The following GADD45G variants were observed in gnomAD, a reference collection of about 807,000 sequenced individuals.
GADD45G encodes growth arrest and DNA damage-inducible protein GADD45 gamma.
Under a neutral mutation model 17.3 loss-of-function variants are expected in GADD45G, and 7 were observed. That is an observed-to-expected ratio of 0.41 (90% CI 0.23 to 0.76). GADD45G has a LOEUF of 0.76. Ranked by LOEUF, GADD45G falls within the 30% of genes least tolerant of loss-of-function variation. The pLI, the probability that GADD45G is intolerant of heterozygous loss-of-function variation, is 0.34. For synonymous variants in GADD45G, 93 were observed against 94.9 expected, an observed-to-expected ratio of 0.98 and a Z score of 0.12; for missense variants, 149 against 219.2, an observed-to-expected ratio of 0.68 and a Z score of 2.02.
rs374588217 is a variant in GADD45G at position 89,605,116 on chromosome 9, C to A, written c.-6C>A. On this transcript the variant is annotated 5_prime_UTR_variant, in exon 1 of 4. Transcript: ENST00000252506. ...TGTGGATAACTAGCTGCTGGTTGAT[C>A]GCACTATGACTCTGGAAGAAGTCCG... The A allele has an allele frequency of 1.8e-5, 29 of 1,612,796 alleles. No homozygotes were observed. The African/African-American group carries it at 3.6e-4, about 20-fold the overall frequency.
chr9:89,605,890 G>A lies in GADD45G; in HGVS notation c.369+10G>A. 1 of 1,595,450 alleles carries A rather than the reference G, an allele frequency of 6.3e-7. No individual in the cohort carries two copies. Among genetic ancestry groups the A allele is most frequent in the South Asian group, 1.1e-5 (1 of 89,534 alleles). On this transcript the variant is annotated intron_variant, in intron 3 of 3. Transcript: ENST00000252506. The stretch of plus-strand genomic sequence containing the variant: ...CTGCATCCTCATTTCGGTGAGTACA[G>A]TCCCGTCCTGTCCCCGCCCCAGTGT...
chr9:89,605,233 G>C lies in GADD45G; in HGVS notation c.53+59G>C. 5 of 1,517,982 alleles carry C rather than the reference G, an allele frequency of 3.3e-6. 1 individual carries two copies. Among genetic ancestry groups the C allele is most frequent in the South Asian group, 2.3e-5 (2 of 88,218 alleles). The allele number at this position is 1,517,982 out of a possible 1,614,324, so 94.0% of individuals were successfully genotyped here. A position where few individuals can be genotyped will look rare whatever the true frequency, so the allele number is the denominator to read the frequency against. ...GGTCGGCGACCGTCAGGGTTTTCCAGGGTGGGAATCCGCGGGGTAGGAGGG... is the reference window on the plus strand; with the variant it reads ...GGTCGGCGACCGTCAGGGTTTTCCACGGTGGGAATCCGCGGGGTAGGAGGG... On this transcript the variant is annotated intron_variant, in intron 1 of 3. Transcript: ENST00000252506.
Position 89,606,127 on chromosome 9 carries a change from C to G in GADD45G, c.*48C>G. On this transcript the variant is annotated 3_prime_UTR_variant, in exon 4 of 4. Transcript: ENST00000252506. The stretch of plus-strand genomic sequence containing the variant: ...TGATCGACGTGGTGACGCCCCGGGG[C>G]GCCTAGAGCGCGGCTGGCTCTGTGG... 1 of 1,406,714 alleles carries G rather than the reference C, an allele frequency of 7.1e-7. No individual in the cohort carries two copies. Among genetic ancestry groups the G allele is most frequent in the Non-Finnish European group, 9.9e-7 (1 of 1,010,394 alleles). The allele number at this position is 1,406,714 out of a possible 1,614,324, so 87.1% of individuals were successfully genotyped here.
rs1434863314 is a variant in GADD45G, at chr9:89,606,368, G to A, written c.*289G>A. The A allele has an allele frequency of 8.5e-6, 4 of 472,014 alleles. No individual in the cohort carries two copies. In the East Asian group the frequency reaches 1.1e-4, roughly 13 times the overall value. 29.2% of individuals were successfully genotyped at this position (472,014 alleles called of 1,614,324 possible). A position where few individuals can be genotyped will look rare whatever the true frequency, so the allele number is the denominator to read the frequency against. On this transcript the variant is annotated 3_prime_UTR_variant, in exon 4 of 4. Coordinates refer to ENST00000252506, the MANE Select transcript of GADD45G (RefSeq NM_006705.4). Reference sequence around the variant, plus strand: ...CAGGGCCAGGAAGGACAGACTGGCCGGGCAGGCGTGACTCAGCAGCCTGCG... The same window carrying A: ...CAGGGCCAGGAAGGACAGACTGGCCAGGCAGGCGTGACTCAGCAGCCTGCG...
rs948133935 is a variant in GADD45G, at chr9:89,605,360, C to A, written c.54-72C>A. The A allele has an allele frequency of 7.4e-5, 89 of 1,198,416 alleles. No individual in the cohort carries two copies. In the African/African-American group the frequency reaches 1.2e-3, roughly 17 times the overall value. The allele number at this position is 1,198,416 out of a possible 1,614,324, so 74.2% of individuals were successfully genotyped here. A position where few individuals can be genotyped will look rare whatever the true frequency, so the allele number is the denominator to read the frequency against. On this transcript the variant is annotated intron_variant, in intron 1 of 3. Transcript: ENST00000252506. Reference sequence around the variant, plus strand: ...GGAGTTGGGGAGCCAAGGGTGTGTGCCGGTGGCCGGGGCTGGGGTCTCCGC... The same window carrying A: ...GGAGTTGGGGAGCCAAGGGTGTGTGACGGTGGCCGGGGCTGGGGTCTCCGC...
At position 89,605,150 on chromosome 9, in the gene GADD45G, A is replaced by C. The variant is rs199566315; in HGVS notation, c.29A>C (p.Asp10Ala). The C allele has an allele frequency of 2.2e-5, 36 of 1,613,784 alleles. 1 individual carries two copies. The South Asian group carries it at 3.7e-4, about 17-fold the overall frequency. MTLEEVRGQ[D>A]TVPESTARMQ... is the part of the protein sequence containing the mutation. The stretch of plus-strand genomic sequence containing the variant: ...ACTCTGGAAGAAGTCCGCGGCCAGG[A>C]CACAGTTCCGGAAAGCACAGCCAGG... The change falls in exon 1 of 4, where the codon GAC (aspartate) becomes GCC (alanine). Residue 10 changes from aspartate to alanine, a missense_variant. By Grantham distance (126) the Asp-to-Ala change is moderately radical. Coordinates refer to ENST00000252506, the MANE Select transcript of GADD45G (RefSeq NM_006705.4).
Position 89,605,663 on chromosome 9 carries a change from G to A in GADD45G, c.156-4G>A, listed in dbSNP as rs368136463. The A allele has an allele frequency of 1.9e-5, 31 of 1,613,464 alleles. No homozygotes were observed. The highest frequency in any genetic ancestry group is 6.7e-5 in the Admixed American group (4 of 59,990). On this transcript the variant is annotated splice_region_variant and splice_polypyrimidine_tract_variant and intron_variant, in intron 2 of 3. Transcript: ENST00000252506. Reference sequence around the variant, plus strand: ...TGACCTAGGTCCCCGCCTTGCCCTCGCAGGGACCCCGACAATGTGACCTTC... The same window carrying A: ...TGACCTAGGTCCCCGCCTTGCCCTCACAGGGACCCCGACAATGTGACCTTC...
chr9:89,605,426 C>T lies in GADD45G; in HGVS notation c.54-6C>T, dbSNP rs1435920320. The T allele has an allele frequency of 6.5e-7, 1 of 1,548,130 alleles. No homozygotes were observed. The highest frequency in any genetic ancestry group is 1.2e-5 in the South Asian group (1 of 84,336). Reference sequence around the variant, plus strand: ...GCTCCCGCTCACTGCGCTGGCTCCTCCGCAGGATGCAGGGTGCCGGGAAAG... The same window carrying T: ...GCTCCCGCTCACTGCGCTGGCTCCTTCGCAGGATGCAGGGTGCCGGGAAAG... On this transcript the variant is annotated splice_region_variant and splice_polypyrimidine_tract_variant and intron_variant, in intron 1 of 3. Transcript: ENST00000252506.
intron 3 of GADD45G, 39 bp from the exon 4 acceptor site, chr9:89,605,930 C>G: frequency 6.3e-7 from 1 of 1,590,588 alleles, no homozygotes; most frequent in Non-Finnish European, 8.6e-7. Flanking sequence ...CCCGCCTCGG[C>G]CCGCGGCCAG....
At position 89,606,542 on chromosome 9, in the gene GADD45G, C is replaced by CT. The variant is rs1827530761; in HGVS notation, c.*468dup. ...TTGAAGCTTTGAATTTTACAATAAACTTTTTGAAACAAACTTATGCTCTTT... is the reference window on the plus strand; with the variant it reads ...TTGAAGCTTTGAATTTTACAATAAACTTTTTTGAAACAAACTTATGCTCTTT... On this transcript the variant is annotated 3_prime_UTR_variant, in exon 4 of 4. Coordinates refer to ENST00000252506, the MANE Select transcript of GADD45G (RefSeq NM_006705.4). The CT allele has an allele frequency of 5.7e-6, 1 of 176,854 alleles. No individual in the cohort carries two copies. The highest frequency in any genetic ancestry group is 1.2e-5 in the Non-Finnish European group (1 of 82,674). The allele number at this position is 176,854 out of a possible 1,614,324, so 11.0% of individuals were successfully genotyped here. A position where few individuals can be genotyped will look rare whatever the true frequency, so the allele number is the denominator to read the frequency against.
Position 89,606,288 on chromosome 9 carries a change from G to C in GADD45G, c.*209G>C, listed in dbSNP as rs1827525770. ...CAGGCTGGTCCGAGCTGAGGACTCT[G>C]CAAGTGTCTGGAGCGGCTGCTCGCC... On this transcript the variant is annotated 3_prime_UTR_variant, in exon 4 of 4. Transcript: ENST00000252506. 1 of 593,260 alleles carries C rather than the reference G, an allele frequency of 1.7e-6. No individual in the cohort carries two copies. The highest frequency in any genetic ancestry group is 3.0e-5 in the Admixed American group (1 of 33,542). The allele number at this position is 593,260 out of a possible 1,614,324, so 36.7% of individuals were successfully genotyped here. A position where few individuals can be genotyped will look rare whatever the true frequency, so the allele number is the denominator to read the frequency against.
At position 89,605,501 on chromosome 9, in the gene GADD45G, C is replaced by T. The variant is rs1299048862; in HGVS notation, c.123C>T (p.Ala41=). ...LSAQRQGCLT[A]GVYESAKVLN... ...CGCAGCGTCAGGGCTGCCTCACTGCCGGCGTCTACGAGTCAGCCAAAGTCT... is the reference window on the plus strand; with the variant it reads ...CGCAGCGTCAGGGCTGCCTCACTGCTGGCGTCTACGAGTCAGCCAAAGTCT... Residue 41 remains alanine (A), a synonymous_variant, in exon 2 of 4, where the codon GCC becomes GCT. Coordinates refer to ENST00000252506, the MANE Select transcript of GADD45G (RefSeq NM_006705.4). The T allele has an allele frequency of 6.4e-7, 1 of 1,562,084 alleles. No homozygotes were observed.
At position 89,606,474 on chromosome 9, in the gene GADD45G, A is replaced by G. The variant is rs180716901; in HGVS notation, c.*395A>G. On this transcript the variant is annotated 3_prime_UTR_variant, in exon 4 of 4. Transcript: ENST00000252506. ...CTTAGCCGACTGCGCTGCTTTTTCA[A>G]AACGGATCCGGGCAATGCTTCGTTT... 202 of 237,306 alleles carry G rather than the reference A, an allele frequency of 8.5e-4. 5 individuals are homozygous for G. In the East Asian group the frequency reaches 0.018, roughly 22 times the overall value. The allele number at this position is 237,306 out of a possible 1,614,324, so 14.7% of individuals were successfully genotyped here. A position where few individuals can be genotyped will look rare whatever the true frequency, so the allele number is the denominator to read the frequency against.
At position 89,605,834 on chromosome 9, in the gene GADD45G, G is replaced by A; in HGVS notation, c.323G>A (p.Gly108Asp). ...VQRLAAIVGA[G>D]EEAGAPGDLH... ...CGGCTGGCGGCTATCGTGGGCGCCG[G>A]CGAGGAGGCGGGTGCGCCGGGCGAC... The change falls in exon 3 of 4, where the codon GGC becomes GAC. Residue 108 changes from glycine to aspartate, a missense_variant. Coordinates refer to ENST00000252506, the MANE Select transcript of GADD45G (RefSeq NM_006705.4). The A allele has an allele frequency of 3.7e-6, 6 of 1,613,184 alleles. No homozygotes were observed. The highest frequency in any genetic ancestry group is 5.1e-6 in the Non-Finnish European group (6 of 1,179,730).
chr9:89,605,362 G>A (rs2118090370), intron 1 of GADD45G, 70 bp from the exon 2 acceptor site: 1 of 1,214,344 alleles, frequency 8.2e-7, no homozygotes, highest in South Asian at 1.3e-5. Flanking sequence ...GGTGTGTGCC[G>A]GTGGCCGGGG....
rs1446915970 is a variant in GADD45G at position 89,606,439 on chromosome 9, G to T, written c.*360G>T. 1 of 329,574 alleles carries T rather than the reference G, an allele frequency of 3.0e-6. No individual in the cohort carries two copies. The highest frequency in any genetic ancestry group is 5.6e-6 in the Non-Finnish European group (1 of 177,498). The allele number at this position is 329,574 out of a possible 1,614,324, so 20.4% of individuals were successfully genotyped here. On this transcript the variant is annotated 3_prime_UTR_variant, in exon 4 of 4. Transcript: ENST00000252506. ...CCCTGGACTTGGTACAGTTGCAGGA[G>T]CGTGAAGGACTTAGCCGACTGCGCT...
In GADD45G at chr9:89,605,043, G is replaced by T. The variant is rs751724853; in HGVS notation, c.-79G>T. ...GCTGGTGGTGGGCGCGCCGTGCTGA[G>T]CTCTGGCTGTCAGTGTGTTCGCCCG... On this transcript the variant is annotated 5_prime_UTR_variant, in exon 1 of 4. Transcript: ENST00000252506. 4.2e-5 allele frequency: 48 copies of T among 1,150,608 alleles called. No homozygotes were observed. Among genetic ancestry groups the T allele is most frequent in the South Asian group, 1.2e-4 (9 of 77,060 alleles). The allele number at this position is 1,150,608 out of a possible 1,614,324, so 71.3% of individuals were successfully genotyped here.
At position 89,605,830 on chromosome 9, in the gene GADD45G, G is replaced by A; in HGVS notation, c.319G>A (p.Ala107Thr). 1 of 1,613,216 alleles carries A rather than the reference G, an allele frequency of 6.2e-7. No homozygotes were observed. The highest frequency in any genetic ancestry group is 8.5e-7 in the Non-Finnish European group (1 of 1,179,736). ...GCAGCGGCTGGCGGCTATCGTGGGC[G>A]CCGGCGAGGAGGCGGGTGCGCCGGG... ...DVQRLAAIVG[A>T]GEEAGAPGDL... is the part of the protein sequence containing the mutation. The change falls in exon 3 of 4, where the codon GCC (alanine) becomes ACC (threonine). Residue 107 changes from alanine (A) to threonine (T), a missense_variant. Ala to Thr is a moderately conservative substitution (Grantham distance 58, BLOSUM62 0). Around this residue, in one of 3 missense-constraint regions of GADD45G, gnomAD observed 73 missense variants for 84.3 expected, o/e 0.87. Coordinates refer to ENST00000252506, the MANE Select transcript of GADD45G (RefSeq NM_006705.4).
In GADD45G at chr9:89,606,137, G is replaced by T; in HGVS notation, c.*58G>T. On this transcript the variant is annotated 3_prime_UTR_variant, in exon 4 of 4. Transcript: ENST00000252506. ...GGTGACGCCCCGGGGCGCCTAGAGC[G>T]CGGCTGGCTCTGTGGAGGGGCCCTC... 1 of 1,345,072 alleles carries T rather than the reference G, an allele frequency of 7.4e-7. No individual in the cohort carries two copies. Among genetic ancestry groups the T allele is most frequent in the Non-Finnish European group, 1.0e-6 (1 of 956,858 alleles). The allele number at this position is 1,345,072 out of a possible 1,614,324, so 83.3% of individuals were successfully genotyped here. A position where few individuals can be genotyped will look rare whatever the true frequency, so the allele number is the denominator to read the frequency against.
Sources: allele counts gnomAD v4.1 joint callset, GRCh38; gene constraint gnomAD v4.1.1; regional missense constraint gnomAD v4.1.1; transcripts MANE v1.5; gene names NCBI Gene and HGNC (gene_info 2026-07-23, HGNC 2026-07-21).